Variants in TRIO observed in about 807,000 individuals in gnomAD.
TRIO encodes the protein trio Rho guanine nucleotide exchange factor.
A neutral mutation model predicts 351.9 loss-of-function variants in TRIO; 58 were observed. The ratio of observed to expected loss-of-function variants is 0.16; its 90% CI spans 0.13 to 0.21. The LOEUF (loss-of-function observed/expected upper bound fraction) is 0.21, where lower values mean the gene tolerates loss of function less well. Ranked by LOEUF, TRIO falls within the 10% of genes least tolerant of loss-of-function variation. The probability of loss-of-function intolerance (pLI) is 1.00; values close to 1 mark genes in which losing one functional copy is unlikely to be tolerated. For missense variants in TRIO, 3,201 were observed against 4,027.8 expected, an observed-to-expected ratio of 0.79 and a Z score of 5.56; for synonymous variants, 1,758 against 1,595.7, an observed-to-expected ratio of 1.10 and a Z score of -2.42.
intron 33 of TRIO, among the ~76,000 whole-genome samples, chr5:14,418,458 G>A (rs886436083): frequency 1.3e-5 from 2 of 152,162 alleles, no homozygotes; most frequent in African/African-American, 2.4e-5. Context: ...TCGGAGAGCC[G>A]CGCAACATCT....
chr5:14,431,588 TA>T (rs200086681), intron 34 of TRIO, among the ~76,000 whole-genome samples: 2,444 of 152,302 alleles, frequency 0.016, 76 homozygotes, highest in African/African-American at 0.056. Context: ...GGAAGAATAT[TA>T]AAGTTCTGTT....
intron 2 of TRIO, among the ~76,000 whole-genome samples, chr5:14,278,964 T>G (rs7708252): frequency 2.6e-5 from 4 of 152,116 alleles, no homozygotes; most frequent in Non-Finnish European, 5.9e-5. Context: ...GCATAGTTCC[T>G]TCATCTTTAT....
intron 39 of TRIO, 105 bp from the exon 40 acceptor site, chr5:14,473,889 A>G: frequency 9.5e-7 from 1 of 1,057,882 alleles, no homozygotes; most frequent in Non-Finnish European, 1.4e-6. Flanking sequence ...TGGTTACAAG[A>G]CAGTGCATGT....
chr5:14,194,884 C>T (rs763920739), intron 1 of TRIO, among the ~76,000 whole-genome samples: 26 of 152,078 alleles, frequency 1.7e-4, no homozygotes, highest in Admixed American at 3.3e-4. Context: ...AATATTTTGC[C>T]GTTTGTTATA....
At chr5:14,306,354 C>T (rs572185365) in intron 8 of TRIO, among the ~76,000 whole-genome samples, 1 of 152,272 alleles carries the variant, frequency 6.6e-6, no homozygotes, top group Admixed American at 6.5e-5. Context: ...ATAGCCTTTT[C>T]TATAGTAAAA....
intron 40 of TRIO, 89 bp from the exon 41 acceptor site, chr5:14,476,805 A>T: frequency 1.7e-6 from 2 of 1,187,886 alleles, no homozygotes; most frequent in Non-Finnish European, 2.4e-6. Flanking sequence ...AAAAAAAAAG[A>T]AAAAAAGAAA....
chr5:14,373,054 A>C (rs892480899), intron 18 of TRIO, among the ~76,000 whole-genome samples: 2 of 151,988 alleles, frequency 1.3e-5, no homozygotes, highest in Non-Finnish European at 2.9e-5. Context: ...AGAGAAGTAC[A>C]GGGTGAGGCA....
chr5:14,353,989 A>G (rs116477221), intron 11 of TRIO, among the ~76,000 whole-genome samples: 1,822 of 152,348 alleles, frequency 0.012, 40 homozygotes, highest in African/African-American at 0.042. Flanking sequence ...CCAAATGGCC[A>G]GCCTGCCCCC....
At chr5:14,343,046 T>C (rs1011406608) in intron 11 of TRIO, among the ~76,000 whole-genome samples, 4 of 151,820 alleles carry the variant, frequency 2.6e-5, no homozygotes, top group African/African-American at 9.7e-5. Flanking sequence ...AGCTTTTCTT[T>C]TTACTTTTTA....
intron 1 of TRIO, among the ~76,000 whole-genome samples, chr5:14,262,845 G>C (rs537492491): frequency 1.3e-5 from 2 of 152,188 alleles, no homozygotes; most frequent in African/African-American, 4.8e-5. Context: ...GGATGTTCAG[G>C]GGGGCATGGC....
intron 1 of TRIO, among the ~76,000 whole-genome samples, chr5:14,264,788 C>G (rs1011917439): frequency 6.6e-6 from 1 of 152,206 alleles, no homozygotes; most frequent in Non-Finnish European, 1.5e-5. Context: ...GAGAAGTGGC[C>G]GGCCCGGAGA....
Position 14,286,918 on chromosome 5 carries a change from G to A in TRIO, c.395G>A (p.Gly132Glu), listed in dbSNP as rs772763347. 1 of 1,613,992 alleles carries A rather than the reference G, an allele frequency of 6.2e-7. No individual in the cohort carries two copies. The highest frequency in any genetic ancestry group is 8.5e-7 in the Non-Finnish European group (1 of 1,179,912). Residue 132 changes from glycine (G) to glutamate (E), a missense_variant, in exon 4 of 57, where the codon GGG becomes GAG. Physicochemically the swap from Gly to Glu is moderately conservative, Grantham distance 98. Around this residue, in one of 19 missense-constraint regions of TRIO, gnomAD observed 30 missense variants for 35.1 expected, o/e 0.85. Coordinates refer to ENST00000344204, the MANE Select transcript of TRIO (RefSeq NM_007118.4). The surrounding 1 kb of genome is among the most constrained non-coding windows in gnomAD (Gnocchi z 4.4). ...RGFTVIVDMR[G>E]SKWDSIKPLL... ...TTCACGGTGATCGTGGACATGCGTG[G>A]GTCCAAGTGGGACTCCATCAAGCCC...
At chr5:14,400,701 TC>T (rs1229044076) in intron 30 of TRIO, among the ~76,000 whole-genome samples, 2 of 152,196 alleles carry the variant, frequency 1.3e-5, no homozygotes, top group Non-Finnish European at 2.9e-5. Context: ...CATGTTGGTT[TC>T]CTTCCCCTGA....
chr5:14,312,572 G>A (rs1322845051), intron 8 of TRIO, among the ~76,000 whole-genome samples: 1 of 152,152 alleles, frequency 6.6e-6, no homozygotes, highest in African/African-American at 2.4e-5. Flanking sequence ...TTATAGGAAA[G>A]TCCTGCTATT....
chr5:14,485,247 G>T lies in TRIO; in HGVS notation c.6835+1G>T. On this transcript the variant is annotated splice_donor_variant, in intron 47 of 56. Coordinates refer to ENST00000344204, the MANE Select transcript of TRIO (RefSeq NM_007118.4). LOFTEE classifies it high-confidence loss of function. The stretch of plus-strand genomic sequence containing the variant: ...GAAAACCAGCGCAATTTTTTAAATG[G>T]TAATGTGTGTTCTGTTACTAGATGT... 6.3e-7 allele frequency: 1 copy of T among 1,576,780 alleles called. No individual in the cohort carries two copies. The highest frequency in any genetic ancestry group is 8.7e-7 in the Non-Finnish European group (1 of 1,153,406).
intron 43 of TRIO, among the ~76,000 whole-genome samples, 177 bp downstream of exon 43, chr5:14,480,188 C>G (rs191051150): frequency 2.0e-5 from 3 of 151,392 alleles, no homozygotes; most frequent in Admixed American, 2.0e-4. Flanking sequence ...GGTGAGGTGG[C>G]GGGACAGACT....
At chr5:14,423,500 A>G (rs923224210) in intron 34 of TRIO, among the ~76,000 whole-genome samples, 3 of 152,186 alleles carry the variant, frequency 2.0e-5, no homozygotes, top group African/African-American at 4.8e-5. Flanking sequence ...GAATGTGTAT[A>G]TTTCCAGTGA....
intron 33 of TRIO, among the ~76,000 whole-genome samples, chr5:14,414,148 C>T (rs1227193700): frequency 6.6e-6 from 1 of 152,224 alleles, no homozygotes; most frequent in Non-Finnish European, 1.5e-5. Context: ...TGTTTTTCAA[C>T]TGTTTGCCTC....
chr5:14,306,671 T>C (rs776839445), intron 8 of TRIO, among the ~76,000 whole-genome samples: 2 of 152,212 alleles, frequency 1.3e-5, no homozygotes, highest in Non-Finnish European at 2.9e-5. Context: ...ATTTACAAGG[T>C]GATTGGCAGA....
Sources: allele counts gnomAD v4.1 joint callset (sites outside exome capture counted in the v4.1 genomes callset), GRCh38; gene constraint gnomAD v4.1.1; regional missense constraint gnomAD v4.1.1; non-coding constraint Gnocchi (gnomAD v3.1); transcripts MANE v1.5; gene names NCBI Gene and HGNC (gene_info 2026-07-23, HGNC 2026-07-21).